SERPINA3: variants seen among roughly 807,000 people sequenced by gnomAD.
SERPINA3 encodes the protein alpha-1-antichymotrypsin.
SERPINA3 carries 32 observed loss-of-function variants against 26.8 expected under a neutral mutation model. The observed-to-expected ratio is 1.20, with a 90% CI of 0.90 to 1.61. The LOEUF (loss-of-function observed/expected upper bound fraction) is 1.61, where lower values mean the gene tolerates loss of function less well. Ranked by LOEUF, SERPINA3 falls within the 40% of genes most tolerant of loss-of-function variation. The pLI is 0.00. For missense variants in SERPINA3, 632 were observed against 517.9 expected (o/e 1.22, Z -2.14); for synonymous variants, 252 against 206.4 (o/e 1.22, Z -1.89).
At position 94,612,520 on chromosome 14, in the gene SERPINA3, G is replaced by A. The variant is rs965428540; in HGVS notation, c.-9+73G>A. ...CAGGAGAGTTTTAGGCAGCAGCCTG[G>A]AGTGTGTGGAGTGTGAGGGGTAAGC... is the stretch of plus-strand genomic sequence containing the variant. On this transcript the variant is annotated intron_variant, in intron 1 of 4. Transcript: ENST00000393078. The A allele has an allele frequency of 4.6e-6, 4 of 876,170 alleles. No homozygotes were observed. In the Admixed American group the frequency reaches 6.9e-5, roughly 15 times the overall value. The allele number at this position is 876,170 out of a possible 1,614,324, so 54.3% of individuals were successfully genotyped here. A position where few individuals can be genotyped will look rare whatever the true frequency, so the allele number is the denominator to read the frequency against.
At chr14:94,620,036 C>A (rs1053251967) in intron 3 of SERPINA3, 1 of 245,282 alleles carries the variant, frequency 4.1e-6, no homozygotes. Flanking sequence ...AAATAAGTTA[C>A]GTGATATATT....
intron 3 of SERPINA3, among the ~76,000 whole-genome samples, chr14:94,621,885 C>T (rs191662372): frequency 6.6e-6 from 1 of 152,356 alleles, no homozygotes; most frequent in East Asian, 1.9e-4. Flanking sequence ...CTCCTGCCCA[C>T]CTCTTCACCT....
intron 4 of SERPINA3, 134 bp downstream of exon 4, chr14:94,622,625 GACACC>G: frequency 2.0e-6 from 2 of 1,008,764 alleles, no homozygotes; most frequent in Non-Finnish European, 1.5e-6. Flanking sequence ...CCCTGCTTGG[GACACC>G]CCCAAGCCAA....
chr14:94,623,851 C>A lies in SERPINA3; in HGVS notation c.*37C>A, dbSNP rs117262594. On this transcript the variant is annotated 3_prime_UTR_variant, in exon 5 of 5. Transcript: ENST00000393078. ...AAGCAGTGGGGCTCTCAGTAAGGAA[C>A]TTGGAATGCAAGCTGGATGCCTGGG... The A allele has an allele frequency of 1.3e-6, 2 of 1,581,676 alleles. No individual in the cohort carries two copies. The highest frequency in any genetic ancestry group is 2.7e-5 in the African/African-American group (2 of 74,264).
At position 94,614,550 on chromosome 14, in the gene SERPINA3, G is replaced by A. The variant is rs749355535; in HGVS notation, c.109G>A (p.Glu37Lys). 3.1e-6 allele frequency: 5 copies of A among 1,614,086 alleles called. No individual in the cohort carries two copies. The South Asian group carries it at 5.5e-5, about 18-fold the overall frequency. The change falls in exon 2 of 5, where the codon GAG (glutamate) becomes AAG (lysine). Residue 37 changes from glutamate to lysine, a missense_variant. By Grantham distance (56) the Glu-to-Lys change is moderately conservative. Transcript: ENST00000393078. ...SPLDEENLTQ[E>K]NQDRGTHVDL... is the part of the protein sequence containing the mutation. ...ACTTGACGAGGAGAATCTGACCCAGGAGAACCAAGACCGAGGGACACACGT... is the reference window on the plus strand; with the variant it reads ...ACTTGACGAGGAGAATCTGACCCAGAAGAACCAAGACCGAGGGACACACGT...
chr14:94,622,229 A>G, intron 3 of SERPINA3, 112 bp from the exon 4 acceptor site: 3 of 939,162 alleles, frequency 3.2e-6, no homozygotes, highest in Non-Finnish European at 5.3e-6. Context: ...TTTATTTTCC[A>G]ATCAGAAGGG....
chr14:94,615,435 G>A, intron 2 of SERPINA3: 2 of 467,654 alleles, frequency 4.3e-6, no homozygotes, highest in Non-Finnish European at 8.5e-6. Context: ...TCCTTGCAGG[G>A]GTGCTGCTAG....
At position 94,622,468 on chromosome 14, in the gene SERPINA3, G is replaced by A. The variant is rs1474485819; in HGVS notation, c.1045G>A (p.Ala349Thr). 1.9e-6 allele frequency: 3 copies of A among 1,614,156 alleles called. No homozygotes were observed. The highest frequency in any genetic ancestry group is 1.7e-4 in the Middle Eastern group (1 of 6,060). ...SKADLSGITG[A>T]RNLAVSQVVH... ...GGCTGACCTGTCAGGGATCACAGGG[G>A]CCAGGAACCTAGCAGTCTCCCAGGT... The change falls in exon 4 of 5, where the codon GCC becomes ACC. Residue 349 changes from alanine to threonine, a missense_variant. Physicochemically the swap from Ala to Thr is moderately conservative, Grantham distance 58. Coordinates refer to ENST00000393078, the MANE Select transcript of SERPINA3 (RefSeq NM_001085.5).
chr14:94,614,493 T>C lies in SERPINA3; in HGVS notation c.52T>C (p.Cys18Arg). The change falls in exon 2 of 5, where the codon TGC becomes CGC. Residue 18 changes from cysteine to arginine, a missense_variant. Cys to Arg is a radical substitution (Grantham distance 180). Coordinates refer to ENST00000393078, the MANE Select transcript of SERPINA3 (RefSeq NM_001085.5). ...TCTGGGGCTCTTGGCGGCTGGGTTC[T>C]GCCCTGCTGTCCTCTGCCACCCTAA... ...LALGLLAAGFCPAVLCHPNSP... is the reference protein window; with the variant it reads ...LALGLLAAGFRPAVLCHPNSP... 2 of 1,614,072 alleles carry C rather than the reference T, an allele frequency of 1.2e-6. No homozygotes were observed. The highest frequency in any genetic ancestry group is 3.3e-4 in the Middle Eastern group (2 of 6,062).
chr14:94,622,314 A>T, intron 3 of SERPINA3, 27 bp from the exon 4 acceptor site: 6 of 1,613,796 alleles, frequency 3.7e-6, no homozygotes, highest in Non-Finnish European at 5.1e-6. Context: ...GCAGAGGTTC[A>T]GATACTTTTT....
At chr14:94,620,531 G>A (rs1886162280) in intron 3 of SERPINA3, among the ~76,000 whole-genome samples, 1 of 152,178 alleles carries the variant, frequency 6.6e-6, no homozygotes, top group Admixed American at 6.5e-5. Flanking sequence ...GCCATCAGGA[G>A]GTTTGGAGGA....
intron 1 of SERPINA3, among the ~76,000 whole-genome samples, chr14:94,612,926 G>A (rs1397821466): frequency 1.3e-5 from 2 of 152,178 alleles, no homozygotes; most frequent in Non-Finnish European, 2.9e-5. Flanking sequence ...TGGCCAAGTC[G>A]ACAGATGGGC....
intron 1 of SERPINA3, among the ~76,000 whole-genome samples, 188 bp downstream of exon 1, chr14:94,612,635 C>T (rs1181732877): frequency 6.6e-6 from 1 of 152,190 alleles, no homozygotes; most frequent in Non-Finnish European, 1.5e-5. Context: ...TAGAGGCATC[C>T]TCTGTGTCTG....
At chr14:94,621,058 G>A (rs1254011596) in intron 3 of SERPINA3, among the ~76,000 whole-genome samples, 1 of 152,102 alleles carries the variant, frequency 6.6e-6, no homozygotes, top group Non-Finnish European at 1.5e-5. Flanking sequence ...AACCACTAAG[G>A]GCAAGGGAGC....
intron 4 of SERPINA3, 39 bp downstream of exon 4, chr14:94,622,530 C>T (rs370670716): frequency 1.6e-4 from 257 of 1,610,578 alleles, no homozygotes; most frequent in Admixed American, 1.1e-3. Context: ...CCTTTGTATC[C>T]GAACTTGAAT....
In SERPINA3 at chr14:94,619,297, T is replaced by G; in HGVS notation, c.746T>G (p.Leu249Arg). 6.2e-7 allele frequency: 1 copy of G among 1,614,220 alleles called. No homozygotes were observed. Among genetic ancestry groups the G allele is most frequent in the Non-Finnish European group, 8.5e-7 (1 of 1,180,046 alleles). Residue 249 changes from leucine (L) to arginine (R), a missense_variant, in exon 3 of 5, where the codon CTG (leucine) becomes CGG (arginine). By Grantham distance (102) the Leu-to-Arg change is moderately radical (BLOSUM62 -2). Transcript: ENST00000393078. ...GTGCCCATGATGAGTTTGCATCACCTGACTATACCTTACTTCCGGGACGAG... is the reference window on the plus strand; with the variant it reads ...GTGCCCATGATGAGTTTGCATCACCGGACTATACCTTACTTCCGGGACGAG... Reference protein sequence around the residue: ...VMVPMMSLHHLTIPYFRDEEL... With the variant: ...VMVPMMSLHHRTIPYFRDEEL...
chr14:94,621,427 T>C (rs1156463781), intron 3 of SERPINA3, among the ~76,000 whole-genome samples: 1 of 151,930 alleles, frequency 6.6e-6, no homozygotes, highest in Non-Finnish European at 1.5e-5. Flanking sequence ...CATGAATGAA[T>C]GAATAAAAAT....
rs1885909787 is a variant in SERPINA3 at position 94,614,545 on chromosome 14, C to T, written c.104C>T (p.Thr35Ile). Residue 35 changes from threonine to isoleucine, a missense_variant, in exon 2 of 5, where the codon ACC (threonine) becomes ATC (isoleucine). By Grantham distance (89) the Thr-to-Ile change is moderately conservative. Coordinates refer to ENST00000393078, the MANE Select transcript of SERPINA3 (RefSeq NM_001085.5). ...AGCCCACTTGACGAGGAGAATCTGA[C>T]CCAGGAGAACCAAGACCGAGGGACA... is the stretch of plus-strand genomic sequence containing the variant. ...PNSPLDEENL[T>I]QENQDRGTHV... is the part of the protein sequence containing the mutation. 2 of 1,614,022 alleles carry T rather than the reference C, an allele frequency of 1.2e-6. No individual in the cohort carries two copies. The highest frequency in any genetic ancestry group is 1.1e-5 in the South Asian group (1 of 91,074).
rs557158536 is a variant in SERPINA3, at chr14:94,623,832, T to C, written c.*18T>C. 6.2e-7 allele frequency: 1 copy of C among 1,610,312 alleles called. No individual in the cohort carries two copies. The highest frequency in any genetic ancestry group is 1.3e-5 in the African/African-American group (1 of 74,822). On this transcript the variant is annotated 3_prime_UTR_variant, in exon 5 of 5. Coordinates refer to ENST00000393078, the MANE Select transcript of SERPINA3 (RefSeq NM_001085.5). ...AAGCCTAGAGCTTGCCATCAAGCAG[T>C]GGGGCTCTCAGTAAGGAACTTGGAA...
Sources: gnomAD v4.1 joint callset for allele counts (sites outside exome capture counted in the v4.1 genomes callset) on GRCh38, gnomAD v4.1.1 for gene constraint, MANE v1.5 for transcripts, NCBI Gene and HGNC (gene_info 2026-07-23, HGNC 2026-07-21) for gene names.